Variants in SSBP2 observed in about 807,000 individuals in gnomAD.
SSBP2 encodes the protein single stranded DNA binding protein 2.
Under a neutral mutation model 61.8 loss-of-function variants are expected in SSBP2, and 17 were observed. The ratio of observed to expected loss-of-function variants is 0.28; its 90% CI spans 0.19 to 0.41. The LOEUF (loss-of-function observed/expected upper bound fraction) is 0.41. Among genes scored for constraint, SSBP2 ranks in the 10% least tolerant of loss-of-function variants. The pLI, the probability that SSBP2 is intolerant of heterozygous loss-of-function variation, is 1.00. For missense variants in SSBP2, 310 were observed against 458.7 expected (o/e 0.68, Z 2.96); for synonymous variants, 139 against 141.3 (o/e 0.98, Z 0.12).
chr5:81,567,550 G>A (rs2153433677), intron 4 of SSBP2, among the ~76,000 whole-genome samples: 2 of 152,308 alleles, frequency 1.3e-5, no homozygotes, highest in East Asian at 3.9e-4. Context: ...AGGGAAATGT[G>A]GGGTCAGATT....
At chr5:81,499,405 G>A (rs1767531518) in intron 5 of SSBP2, among the ~76,000 whole-genome samples, 1 of 152,144 alleles carries the variant, frequency 6.6e-6, no homozygotes, top group East Asian at 1.9e-4. Context: ...TTTTCCTCAA[G>A]TCTTCATTAC....
At chr5:81,574,486 A>C (rs939676561) in intron 4 of SSBP2, among the ~76,000 whole-genome samples, 6 of 152,130 alleles carry the variant, frequency 3.9e-5, no homozygotes, top group African/African-American at 1.4e-4. Context: ...AAAGGAGTTG[A>C]AAAAAATAGA....
chr5:81,720,652 C>T (rs1755484218), intron 1 of SSBP2, among the ~76,000 whole-genome samples: 1 of 152,170 alleles, frequency 6.6e-6, no homozygotes, highest in African/African-American at 2.4e-5. Context: ...AGATAAATAT[C>T]AAGGCACTTC....
chr5:81,467,500 A>G (rs1764969793), intron 8 of SSBP2, among the ~76,000 whole-genome samples: 1 of 152,028 alleles, frequency 6.6e-6, no homozygotes, highest in African/African-American at 2.4e-5. Flanking sequence ...GCAAACTTCT[A>G]TTCACAAAAT....
At chr5:81,474,642 G>A (rs1765467836) in intron 6 of SSBP2, 80 bp from the exon 7 acceptor site, 2 of 982,254 alleles carry the variant, frequency 2.0e-6, no homozygotes, top group East Asian at 5.6e-5. Context: ...CCTTTTAAAT[G>A]CTTGTATGAT....
chr5:81,749,970 T>G (rs1371175705), intron 1 of SSBP2, among the ~76,000 whole-genome samples: 1 of 152,018 alleles, frequency 6.6e-6, no homozygotes, highest in African/African-American at 2.4e-5. Flanking sequence ...CCGCCACAGC[T>G]GCCCTCCTCG....
At chr5:81,430,990 G>T (rs1037094445) in intron 15 of SSBP2, among the ~76,000 whole-genome samples, 1 of 152,052 alleles carries the variant, frequency 6.6e-6, no homozygotes, top group Non-Finnish European at 1.5e-5. Context: ...GTCCGTAATC[G>T]CTGAGTGACA....
intron 5 of SSBP2, among the ~76,000 whole-genome samples, chr5:81,507,763 T>G (rs1768291096): frequency 6.6e-6 from 1 of 152,132 alleles, no homozygotes. Flanking sequence ...GCATTAATGT[T>G]CTATAAGTTA....
At chr5:81,577,968 T>C (rs1382980606) in intron 4 of SSBP2, among the ~76,000 whole-genome samples, 1 of 152,006 alleles carries the variant, frequency 6.6e-6, no homozygotes, top group Non-Finnish European at 1.5e-5. Flanking sequence ...AAAACCTCTA[T>C]TGGATACACA....
At chr5:81,701,297 G>A (rs1433372042) in intron 1 of SSBP2, among the ~76,000 whole-genome samples, 1 of 152,012 alleles carries the variant, frequency 6.6e-6, no homozygotes, top group Non-Finnish European at 1.5e-5. Flanking sequence ...ATCTCCTGTG[G>A]GTGAGGTTTG....
chr5:81,650,344 A>G lies in SSBP2; in HGVS notation c.63-5T>C. ...TCATATACGTAGAGTGCTAACCTGGAAAACAAATAAAATATTTATTGAGAA... is the reference window on the plus strand; with the variant it reads ...TCATATACGTAGAGTGCTAACCTGGGAAACAAATAAAATATTTATTGAGAA... On this transcript the variant is annotated splice_polypyrimidine_tract_variant and splice_region_variant and intron_variant, in intron 1 of 16. Coordinates refer to ENST00000320672, the MANE Select transcript of SSBP2 (RefSeq NM_012446.5). 1 of 1,529,780 alleles carries G rather than the reference A, an allele frequency of 6.5e-7. No individual in the cohort carries two copies. The highest frequency in any genetic ancestry group is 1.4e-5 in the African/African-American group (1 of 71,254). 94.8% of individuals were successfully genotyped at this position (1,529,780 alleles called of 1,614,324 possible).
intron 4 of SSBP2, among the ~76,000 whole-genome samples, chr5:81,516,533 T>A (rs1328361731): frequency 6.6e-6 from 1 of 151,960 alleles, no homozygotes; most frequent in East Asian, 1.9e-4. Context: ...TGGACCACAC[T>A]TTTTAGCTAA....
chr5:81,488,055 ATAT>A (rs1766555561), intron 6 of SSBP2, among the ~76,000 whole-genome samples: 3 of 61,404 alleles, frequency 4.9e-5, no homozygotes, highest in South Asian at 4.6e-4. Flanking sequence ...ATATATATAT[ATAT>A]AAATAAAATA....
rs1470164384 is a variant in SSBP2, at chr5:81,501,258, TATATATATATAC to T, written c.373-11961_373-11950del. ...ATATATATATATATATATATATATATATATATATATACACACACACACACATGCACATACACC... is the reference window on the plus strand; with the variant it reads ...ATATATATATATATATATATATATATACACACACACACATGCACATACACC... On this transcript the variant is annotated intron_variant, in intron 5 of 16. Transcript: ENST00000320672. Among the ~76,000 whole-genome samples the T allele has an allele frequency of 4.6e-3, 245 of 52,880 alleles. 17 individuals are homozygous for T. Among genetic ancestry groups the T allele is most frequent in the South Asian group, 8.6e-3 (16 of 1,850 alleles). The allele number at this position is 52,880 out of a possible 152,430, so 34.7% of individuals were successfully genotyped here. A position where few individuals can be genotyped will look rare whatever the true frequency, so the allele number is the denominator to read the frequency against.
chr5:81,443,907 G>A (rs557020872), intron 12 of SSBP2, among the ~76,000 whole-genome samples: 4 of 152,276 alleles, frequency 2.6e-5, no homozygotes, highest in Admixed American at 6.5e-5. Context: ...TTTTTGTACT[G>A]ATTTGAGACA....
chr5:81,717,541 T>C (rs1755243869), intron 1 of SSBP2, among the ~76,000 whole-genome samples: 1 of 152,154 alleles, frequency 6.6e-6, no homozygotes, highest in Non-Finnish European at 1.5e-5. Context: ...AACTTACCTC[T>C]TGGCAATTCA....
At chr5:81,441,755 C>T (rs1016994901) in intron 13 of SSBP2, among the ~76,000 whole-genome samples, 6 of 152,104 alleles carry the variant, frequency 3.9e-5, no homozygotes, top group South Asian at 4.1e-4. Flanking sequence ...TCTAAAAGCA[C>T]GTAGGTTGGT....
At chr5:81,737,220 A>G (rs1008955661) in intron 1 of SSBP2, among the ~76,000 whole-genome samples, 4 of 151,636 alleles carry the variant, frequency 2.6e-5, no homozygotes, top group Non-Finnish European at 5.9e-5. Flanking sequence ...TTTGGAGTTC[A>G]CAAAACCTCT....
chr5:81,478,392 G>C (rs1288569197), intron 6 of SSBP2, among the ~76,000 whole-genome samples: 1 of 151,958 alleles, frequency 6.6e-6, no homozygotes, highest in East Asian at 1.9e-4. Context: ...CCAGGCTGGA[G>C]TGCAGTGGTG....
Sources: allele counts gnomAD v4.1 joint callset (sites outside exome capture counted in the v4.1 genomes callset), GRCh38; gene constraint gnomAD v4.1.1; transcripts MANE v1.5; gene names NCBI Gene and HGNC (gene_info 2026-07-23, HGNC 2026-07-21).